The following FABP6 variants were observed in gnomAD, a reference collection of about 807,000 sequenced individuals.
FABP6 encodes the protein fatty acid binding protein 6, also known as gastrotropin.
Under a neutral mutation model 14.9 loss-of-function variants are expected in FABP6, and 13 were observed. The ratio of observed to expected loss-of-function variants is 0.87; its 90% confidence interval spans 0.57 to 1.39. The LOEUF (loss-of-function observed/expected upper bound fraction) is 1.39, where lower values mean the gene tolerates loss of function less well. Ranked by LOEUF, FABP6 falls within the 40% of genes most tolerant of loss-of-function variation. The pLI, the probability that FABP6 is intolerant of heterozygous loss-of-function variation, is 0.00. For missense variants in FABP6, 161 were observed against 167.2 expected, an observed-to-expected ratio of 0.96 and a Z score of 0.20; for synonymous variants, 75 against 63.6, an observed-to-expected ratio of 1.18 and a Z score of -0.85.
intron 1 of FABP6, among the ~76,000 whole-genome samples, chr5:160,190,628 T>G (rs1759375793): frequency 6.6e-6 from 1 of 152,170 alleles, no homozygotes; most frequent in Non-Finnish European, 1.5e-5. Flanking sequence ...CTCTTTCTAC[T>G]GGGAATAGCT....
intron 3 of FABP6, among the ~76,000 whole-genome samples, chr5:160,220,158 T>C (rs1212595669): frequency 1.3e-5 from 2 of 152,170 alleles, no homozygotes; most frequent in East Asian, 1.9e-4. Context: ...TAGTTCAAAA[T>C]AGGCAGCTAG....
At chr5:160,198,937 G>A (rs1429391888) in intron 1 of FABP6, 5 of 656,778 alleles carry the variant, frequency 7.6e-6, no homozygotes, top group Non-Finnish European at 1.3e-5. Context: ...CAGGGCCCAT[G>A]TGTCTGGCAC....
rs6885882 is a variant in FABP6 at position 160,193,237 on chromosome 5, G to A, written c.-59+5783G>A. On this transcript the variant is annotated intron_variant, in intron 1 of 6. Transcript: ENST00000393980. ...CTCAGGGGTGAAACTGCAGACTTTC[G>A]CGGTGAGTGTTGCGGCACGTCTGGA... is the stretch of plus-strand genomic sequence containing the variant. 6.5e-3 allele frequency among the ~76,000 whole-genome samples: 993 copies of A among 151,994 alleles called. 10 individuals are homozygous for A. Among genetic ancestry groups the A allele is most frequent in the African/African-American group, 0.023 (952 of 41,456 alleles).
rs747700461 is a variant in FABP6, at chr5:160,232,179, G to T, written c.149G>T (p.Trp50Leu). ...EVQQDGQDFT[W>L]SQHYSGGHTM... The stretch of plus-strand genomic sequence containing the variant: ...CAGCAGGATGGGCAGGACTTCACTT[G>T]GTCCCAGCACTACTCCGGGGGCCAC... The change falls in exon 2 of 4, where the codon TGG (tryptophan) becomes TTG (leucine). Residue 50 changes from tryptophan (W) to leucine (L), a missense_variant. Physicochemically the swap from Trp to Leu is moderately conservative, Grantham distance 61. Coordinates refer to ENST00000402432, the MANE Select transcript of FABP6 (RefSeq NM_001445.3). 6.8e-6 allele frequency: 11 copies of T among 1,613,732 alleles called. No individual in the cohort carries two copies. Among genetic ancestry groups the T allele is most frequent in the African/African-American group, 2.7e-5 (2 of 74,870 alleles).
chr5:160,221,115 A>C (rs1024831354), intron 3 of FABP6, among the ~76,000 whole-genome samples: 2 of 146,908 alleles, frequency 1.4e-5, no homozygotes, highest in African/African-American at 5.1e-5. Flanking sequence ...AAAAGACTTG[A>C]GACTTGAGGA....
intron 3 of FABP6, among the ~76,000 whole-genome samples, chr5:160,214,850 C>T (rs1027957910): frequency 1.4e-4 from 21 of 152,002 alleles, no homozygotes; most frequent in African/African-American, 4.6e-4. Flanking sequence ...GGTTGTGGAA[C>T]AGGCAGAGAC....
chr5:160,203,265 T>C (rs1243907790), intron 2 of FABP6, among the ~76,000 whole-genome samples: 1 of 152,138 alleles, frequency 6.6e-6, no homozygotes, highest in African/African-American at 2.4e-5. Flanking sequence ...AAAAAGTGGA[T>C]TGGTTATTTC....
upstream of FABP6, among the ~76,000 whole-genome samples, chr5:160,226,856 C>T (rs373597847): frequency 6.6e-6 from 1 of 152,136 alleles, no homozygotes; most frequent in African/African-American, 2.4e-5. Flanking sequence ...GGAGTGTAAA[C>T]TGCTATAGCT....
rs1266461968 is a variant in FABP6 at position 160,214,084 on chromosome 5, CCTTTCTCTTTCTTT to C, written c.135+272_135+285del. 1.4e-3 allele frequency among the ~76,000 whole-genome samples: 212 copies of C among 149,996 alleles called. 2 individuals are homozygous for C. Among genetic ancestry groups the C allele is most frequent in the South Asian group, 4.9e-3 (23 of 4,660 alleles). ...AGCTAGCTCAAGTAGGTTTTGCCTG[CCTTTCTCTTTCTTT>C]CTTTCTTTCTTTCTTTCTTTCTTTC... is the stretch of plus-strand genomic sequence containing the variant. On this transcript the variant is annotated intron_variant, in intron 3 of 6. Coordinates refer to the FABP6 transcript ENST00000393980.
chr5:160,203,202 A>G (rs974647478), intron 2 of FABP6, among the ~76,000 whole-genome samples: 1 of 152,148 alleles, frequency 6.6e-6, no homozygotes, highest in African/African-American at 2.4e-5. Flanking sequence ...ACGCCCTGCC[A>G]GAAGCTGGGC....
intron 3 of FABP6, among the ~76,000 whole-genome samples, chr5:160,217,260 T>TA (rs1219926876): frequency 6.6e-6 from 1 of 152,126 alleles, no homozygotes; most frequent in East Asian, 1.9e-4. Flanking sequence ...GTGGAGCTGT[T>TA]AGGCAGGCAG....
At chr5:160,194,791 C>A (rs1174562493) in intron 1 of FABP6, among the ~76,000 whole-genome samples, 2 of 152,178 alleles carry the variant, frequency 1.3e-5, no homozygotes, top group Non-Finnish European at 2.9e-5. Flanking sequence ...ATGCTGACCA[C>A]TGCTCTGATG....
At chr5:160,188,372 C>A (rs1759329702) in intron 1 of FABP6, among the ~76,000 whole-genome samples, 1 of 152,066 alleles carries the variant, frequency 6.6e-6, no homozygotes, top group South Asian at 2.1e-4. Flanking sequence ...ATTAGCAAAT[C>A]CCCAGCCCAG....
chr5:160,210,311 G>A (rs184380942), intron 2 of FABP6, among the ~76,000 whole-genome samples: 82 of 152,290 alleles, frequency 5.4e-4, no homozygotes, highest in African/African-American at 1.9e-3. Context: ...CTCCTTATCT[G>A]TCAAAGGGTT....
At chr5:160,189,351 C>T (rs916189731) in intron 1 of FABP6, among the ~76,000 whole-genome samples, 1 of 152,124 alleles carries the variant, frequency 6.6e-6, no homozygotes, top group African/African-American at 2.4e-5. Flanking sequence ...AAGTGATTCT[C>T]CTGCCTCAGC....
chr5:160,200,205 A>G (rs1759605714), intron 2 of FABP6, among the ~76,000 whole-genome samples: 1 of 152,160 alleles, frequency 6.6e-6, no homozygotes, highest in Non-Finnish European at 1.5e-5. Context: ...GAGAACACAC[A>G]TGCAACATGC....
intron 1 of FABP6, among the ~76,000 whole-genome samples, chr5:160,194,082 G>A (rs554115559): frequency 5.9e-5 from 9 of 152,320 alleles, no homozygotes; most frequent in Admixed American, 5.9e-4. Flanking sequence ...CAAGCGCAGC[G>A]CCGGTGGGCC....
intron 1 of FABP6, among the ~76,000 whole-genome samples, chr5:160,193,500 T>G (rs1759444611): frequency 6.6e-6 from 1 of 152,106 alleles, no homozygotes; most frequent in Admixed American, 6.5e-5. Flanking sequence ...CCCACCCACA[T>G]CCTGCTGATT....
intron 2 of FABP6, among the ~76,000 whole-genome samples, chr5:160,200,665 T>C (rs2112590): frequency 0.89 from 135,896 of 152,156 alleles, 60,789 homozygotes; most frequent in Non-Finnish European, 0.92. Flanking sequence ...CCACCCGCCT[T>C]GGCCTCCCAA....
Sources: gnomAD v4.1 joint callset for allele counts (sites outside exome capture counted in the v4.1 genomes callset) on GRCh38, gnomAD v4.1.1 for gene constraint, MANE v1.5 for transcripts, NCBI Gene and HGNC (gene_info 2026-07-23, HGNC 2026-07-21) for gene names.